MEOX2: variants seen among roughly 807,000 people sequenced by gnomAD.
The protein encoded by MEOX2 is homeobox protein MOX-2.
MEOX2 carries 11 observed loss-of-function variants against 27.0 expected under a neutral mutation model. The observed-to-expected ratio is 0.41, with a 90% CI of 0.26 to 0.68. The LOEUF (loss-of-function observed/expected upper bound fraction) is 0.68. MEOX2 is among the 30% of genes least tolerant of loss of function. The probability of loss-of-function intolerance (pLI) is 0.33; values close to 1 mark genes in which losing one functional copy is unlikely to be tolerated. For synonymous variants in MEOX2, 189 were observed against 155.4 expected (o/e 1.22, Z -1.61); for missense variants, 436 against 385.4 (o/e 1.13, Z -1.10).
chr7:15,631,663 G>C (rs913130897), intron 1 of MEOX2, among the ~76,000 whole-genome samples: 5 of 151,646 alleles, frequency 3.3e-5, no homozygotes, highest in African/African-American at 1.2e-4. Context: ...TCACATGATT[G>C]CATCAGTATT....
intron 1 of MEOX2, chr7:15,680,609 G>A (rs1167591884): frequency 6.6e-6 from 1 of 151,762 alleles, no homozygotes; most frequent in African/African-American, 2.4e-5. Context: ...AGTTCAACAC[G>A]CTAGTAAAAG....
intron 2 of MEOX2, among the ~76,000 whole-genome samples, chr7:15,622,087 A>T (rs1456591260): frequency 1.3e-5 from 2 of 152,198 alleles, no homozygotes; most frequent in Non-Finnish European, 2.9e-5. Context: ...ACTGCACTCC[A>T]GCCTTGGTGA....
chr7:15,663,558 C>T (rs954238704), intron 1 of MEOX2, among the ~76,000 whole-genome samples: 6 of 151,704 alleles, frequency 4.0e-5, no homozygotes, highest in African/African-American at 4.8e-5. Context: ...TCAGGCTGGT[C>T]TCGAACTCCT....
rs79945477 is a variant in MEOX2, at chr7:15,650,586, T to A, written c.518-23668A>T. On this transcript the variant is annotated intron_variant, in intron 1 of 2. Coordinates refer to ENST00000262041, the MANE Select transcript of MEOX2 (RefSeq NM_005924.5). ...TATTTATAAATGTTTACTGAATGCT[T>A]CCTATGTGCCAGTAACTGTGCAGGG... Among the ~76,000 whole-genome samples, 934 of 152,200 alleles carry A rather than the reference T, an allele frequency of 6.1e-3. 10 individuals carry two copies. The highest frequency in any genetic ancestry group is 0.021 in the African/African-American group (861 of 41,554).
At chr7:15,625,677 C>G (rs547503285) in intron 2 of MEOX2, among the ~76,000 whole-genome samples, 1 of 152,212 alleles carries the variant, frequency 6.6e-6, no homozygotes, top group East Asian at 1.9e-4. Context: ...CCAATCATAA[C>G]TGCACTGTCC....
chr7:15,663,334 T>A (rs984228687), intron 1 of MEOX2, among the ~76,000 whole-genome samples: 1 of 151,476 alleles, frequency 6.6e-6, no homozygotes, highest in African/African-American at 2.4e-5. Context: ...TCTGTAGTAA[T>A]CTTTTTTTTT....
intron 1 of MEOX2, chr7:15,676,173 C>G (rs1331539809): frequency 1.3e-5 from 2 of 152,136 alleles, no homozygotes; most frequent in Admixed American, 6.6e-5. Context: ...TTGTTGTTCT[C>G]TTTTATCTCT....
Position 15,644,704 on chromosome 7 carries a change from T to G in MEOX2, c.518-17786A>C, listed in dbSNP as rs376046151. ...GGCCTTGAAAAGAAAATCCAGATTT[T>G]TTCTATTGTCAATTACTTATGCAAT... On this transcript the variant is annotated intron_variant, in intron 1 of 2. Coordinates refer to ENST00000262041, the MANE Select transcript of MEOX2 (RefSeq NM_005924.5). Among the ~76,000 whole-genome samples, 17 of 152,326 alleles carry G rather than the reference T, an allele frequency of 1.1e-4. 1 individual carries two copies. Among genetic ancestry groups the G allele is most frequent in the African/African-American group, 3.1e-4 (13 of 41,578 alleles).
At chr7:15,674,556 C>G (rs6945272) in intron 1 of MEOX2, among the ~76,000 whole-genome samples, 63,656 of 135,516 alleles carry the variant, frequency 0.47, 13,537 homozygotes, top group Admixed American at 0.51. Context: ...ATAAAAGATT[C>G]TGTGTGTGTG....
chr7:15,676,776 T>C (rs1782200040), intron 1 of MEOX2, among the ~76,000 whole-genome samples: 1 of 151,706 alleles, frequency 6.6e-6, no homozygotes, highest in African/African-American at 2.4e-5. Context: ...GAGAATCACT[T>C]GAACCCGGAC....
chr7:15,613,404 C>G (rs926639531), intron 2 of MEOX2, among the ~76,000 whole-genome samples: 20 of 137,850 alleles, frequency 1.5e-4, no homozygotes, highest in African/African-American at 5.4e-4. Context: ...ACAAAAAAAA[C>G]AGCAAACAGA....
At chr7:15,628,367 A>G (rs1262541501) in intron 1 of MEOX2, among the ~76,000 whole-genome samples, 1 of 152,104 alleles carries the variant, frequency 6.6e-6, no homozygotes, top group Admixed American at 6.6e-5. Context: ...TTCTAGGTCT[A>G]GTAGCAGCAG....
At chr7:15,639,146 T>G (rs528794942) in intron 1 of MEOX2, among the ~76,000 whole-genome samples, 1 of 152,104 alleles carries the variant, frequency 6.6e-6, no homozygotes, top group South Asian at 2.1e-4. Flanking sequence ...CTGTTATTTT[T>G]TTGACTTTTT....
At chr7:15,666,751 CAAAAA>C (rs61294753) in intron 1 of MEOX2, among the ~76,000 whole-genome samples, 1 of 63,058 alleles carries the variant, frequency 1.6e-5, no homozygotes, top group Admixed American at 2.3e-4. Flanking sequence ...GACTCTGTCT[CAAAAA>C]AAAAAAAAAA....
intron 1 of MEOX2, among the ~76,000 whole-genome samples, chr7:15,648,026 T>C (rs1478381181): frequency 2.6e-5 from 4 of 152,110 alleles, no homozygotes; most frequent in African/African-American, 7.2e-5. Context: ...GCCTTCAATA[T>C]GCTGAATATT....
chr7:15,623,510 T>C (rs1781250835), intron 2 of MEOX2, among the ~76,000 whole-genome samples: 1 of 152,102 alleles, frequency 6.6e-6, no homozygotes, highest in Admixed American at 6.6e-5. Context: ...CCTAGGATTA[T>C]AGGTGCCTGC....
At chr7:15,664,783 C>G (rs1262523328) in intron 1 of MEOX2, among the ~76,000 whole-genome samples, 1 of 152,076 alleles carries the variant, frequency 6.6e-6, no homozygotes, top group African/African-American at 2.4e-5. Context: ...TGCTCTTTTG[C>G]TAAATGTCAA....
chr7:15,639,293 T>G (rs1272697040), intron 1 of MEOX2, among the ~76,000 whole-genome samples: 1 of 152,174 alleles, frequency 6.6e-6, no homozygotes, highest in African/African-American at 2.4e-5. Flanking sequence ...GAAGTATGTG[T>G]TCATGTCCTT....
intron 1 of MEOX2, among the ~76,000 whole-genome samples, chr7:15,642,667 G>A (rs1781580612): frequency 6.6e-6 from 1 of 152,184 alleles, no homozygotes; most frequent in East Asian, 1.9e-4. Flanking sequence ...TCCTTTGAGG[G>A]TGTCAGAGCA....
Sources: allele counts gnomAD v4.1 joint callset (sites outside exome capture counted in the v4.1 genomes callset), GRCh38; gene constraint gnomAD v4.1.1; transcripts MANE v1.5; gene names NCBI Gene and HGNC (gene_info 2026-07-23, HGNC 2026-07-21).